The following PPP6R3 variants were observed in gnomAD, a reference collection of about 807,000 sequenced individuals.
The protein encoded by PPP6R3 is protein phosphatase 6 regulatory subunit 3.
PPP6R3 carries 38 observed loss-of-function variants against 110.7 expected under a neutral mutation model. The observed-to-expected ratio is 0.34, with a 90% CI of 0.26 to 0.45. The LOEUF is 0.45. PPP6R3 is among the 20% of genes least tolerant of loss of function. The pLI is 1.00. For synonymous variants in PPP6R3, 369 were observed against 373.5 expected (o/e 0.99, Z 0.14); for missense variants, 870 against 1,062.4 (o/e 0.82, Z 2.52).
chr11:68,576,399 C>G (rs2099531613), intron 14 of PPP6R3, among the ~76,000 whole-genome samples: 1 of 152,130 alleles, frequency 6.6e-6, no homozygotes, highest in Admixed American at 6.5e-5. Context: ...ACCCTGGGTG[C>G]TTAGGAAAGC....
intron 19 of PPP6R3, among the ~76,000 whole-genome samples, chr11:68,597,300 C>T (rs1405943692): frequency 1.3e-5 from 2 of 152,214 alleles, no homozygotes; most frequent in East Asian, 1.9e-4. Context: ...GGGATTTGCC[C>T]GTGCGAGAGA....
Position 68,573,310 on chromosome 11 carries a change from C to G in PPP6R3, c.1344-799C>G, listed in dbSNP as rs956190041. On this transcript the variant is annotated intron_variant, in intron 12 of 23. Transcript: ENST00000393800. ...GGATTTCAAGTGTGCACCACCACGC[C>G]TGGCTAATTTTTGTATTTTTAGTAG... Among the ~76,000 whole-genome samples, 4 of 151,306 alleles carry G rather than the reference C, an allele frequency of 2.6e-5. No individual in the cohort carries two copies. In the East Asian group the frequency reaches 7.8e-4, roughly 29 times the overall value.
rs534964547 is a variant in PPP6R3 at position 68,516,526 on chromosome 11, C to G, written c.-157-2975C>G. On this transcript the variant is annotated intron_variant, in intron 1 of 23. Transcript: ENST00000393800. ...TGCAAAAAAATTGAAATCTGAAATA[C>G]TTCTGGTCTCAAGCATTTTGGACAG... Among the ~76,000 whole-genome samples the G allele has an allele frequency of 5.3e-5, 8 of 152,250 alleles. No homozygotes were observed. The East Asian group carries it at 1.5e-3, about 29-fold the overall frequency.
chr11:68,581,633 A>G (rs950880803), intron 14 of PPP6R3, among the ~76,000 whole-genome samples: 1 of 152,302 alleles, frequency 6.6e-6, no homozygotes, highest in South Asian at 2.1e-4. Context: ...GCTCTTTAAC[A>G]TAGTCCTGTG....
chr11:68,583,099 G>A lies in PPP6R3; in HGVS notation c.1602G>A (p.Thr534=). Residue 534 remains threonine, a synonymous_variant, in exon 15 of 24, where the codon ACG becomes ACA. Coordinates refer to ENST00000393800, the MANE Select transcript of PPP6R3 (RefSeq NM_001164161.2). ...SSDDEIDFKE[T]GFSQDSSLQQ... Reference sequence around the variant, plus strand: ...ATGATGAAATTGACTTTAAAGAAACGGGTTTCTCACAGGATTCTTCTTTGC... The same window carrying A: ...ATGATGAAATTGACTTTAAAGAAACAGGTTTCTCACAGGATTCTTCTTTGC... The A allele has an allele frequency of 6.5e-7, 1 of 1,547,544 alleles. No individual in the cohort carries two copies. Among genetic ancestry groups the A allele is most frequent in the Non-Finnish European group, 8.7e-7 (1 of 1,144,238 alleles).
At chr11:68,489,544 CTGTGTGTTTGTG>C (rs924317240) in intron 1 of PPP6R3, among the ~76,000 whole-genome samples, 115 of 63,344 alleles carry the variant, frequency 1.8e-3, no homozygotes, top group African/African-American at 0.013. Flanking sequence ...TTTGCAGATA[CTGTGTGTTTGTG>C]TGTGTGTGTG....
chr11:68,464,836 C>T (rs187967672), intron 1 of PPP6R3, among the ~76,000 whole-genome samples: 19 of 151,748 alleles, frequency 1.3e-4, no homozygotes, highest in African/African-American at 4.3e-4. Context: ...CTTTTGCCCT[C>T]CTTTTGTCAG....
chr11:68,567,209 T>TA, intron 10 of PPP6R3, 43 bp downstream of exon 10: 1 of 1,489,090 alleles, frequency 6.7e-7, no homozygotes, highest in Non-Finnish European at 9.0e-7. Flanking sequence ...TTGCCATTGA[T>TA]ATTTCATGGA....
chr11:68,575,529 C>T (rs1317313524), intron 13 of PPP6R3, among the ~76,000 whole-genome samples: 4 of 152,196 alleles, frequency 2.6e-5, no homozygotes, highest in African/African-American at 9.7e-5. Flanking sequence ...CTGTCATTTG[C>T]AGCATTTTCT....
At position 68,590,647 on chromosome 11, in the gene PPP6R3, TG is replaced by T; in HGVS notation, c.1731-12del. 6.4e-7 allele frequency: 1 copy of T among 1,572,760 alleles called. No individual in the cohort carries two copies. The highest frequency in any genetic ancestry group is 8.7e-7 in the Non-Finnish European group (1 of 1,152,328). On this transcript the variant is annotated splice_polypyrimidine_tract_variant and intron_variant, in intron 16 of 23. Transcript: ENST00000393800. ...ATTAATGCTTCCTACACTTTTATTT[TG>T]TTTTTTTACAGTGTTTCTTTTGATC...
intron 1 of PPP6R3, among the ~76,000 whole-genome samples, chr11:68,477,741 A>AAAAAAAAAAATATATATAT: frequency 5.2e-4 from 30 of 57,884 alleles, no homozygotes; most frequent in African/African-American, 1.9e-3. Context: ...AAAAAAAAAA[A>AAAAAAAAAAATATATATAT]ATATATATAT....
At chr11:68,477,016 A>G (rs1306379990) in intron 1 of PPP6R3, among the ~76,000 whole-genome samples, 1 of 151,738 alleles carries the variant, frequency 6.6e-6, no homozygotes, top group Non-Finnish European at 1.5e-5. Flanking sequence ...ATGACAGAGT[A>G]AGACCCTGTT....
intron 1 of PPP6R3, among the ~76,000 whole-genome samples, chr11:68,491,330 G>C (rs929765324): frequency 5.3e-5 from 1 of 18,964 alleles, no homozygotes; most frequent in East Asian, 1.0e-3. Flanking sequence ...GTCTTCAGCT[G>C]TGTGTGTGTG....
At chr11:68,535,020 A>G (rs1398885980) in intron 2 of PPP6R3, among the ~76,000 whole-genome samples, 1 of 152,140 alleles carries the variant, frequency 6.6e-6, no homozygotes, top group Non-Finnish European at 1.5e-5. Flanking sequence ...TTTGTTTGCC[A>G]TTTCCCACTC....
At chr11:68,463,253 C>G (rs895524640) in intron 1 of PPP6R3, among the ~76,000 whole-genome samples, 1 of 148,822 alleles carries the variant, frequency 6.7e-6, no homozygotes, top group African/African-American at 2.5e-5. Context: ...ACTGTAATCC[C>G]AGTTATTTGG....
intron 13 of PPP6R3, among the ~76,000 whole-genome samples, chr11:68,574,587 T>A (rs1593399487): frequency 2.0e-5 from 3 of 152,350 alleles, no homozygotes; most frequent in African/African-American, 7.2e-5. Flanking sequence ...AATTTTGCCT[T>A]TTATTTTCTG....
chr11:68,608,516 A>C (rs1941610771), intron 22 of PPP6R3, among the ~76,000 whole-genome samples: 2 of 152,196 alleles, frequency 1.3e-5, no homozygotes, highest in South Asian at 4.1e-4. Context: ...TTGTAGGTAG[A>C]AAAATGGCCT....
chr11:68,568,929 G>A (rs1211135300), intron 10 of PPP6R3, among the ~76,000 whole-genome samples: 2 of 152,056 alleles, frequency 1.3e-5, no homozygotes, highest in South Asian at 2.1e-4. Flanking sequence ...CACACCCAGC[G>A]ATTTTTTTGT....
intron 1 of PPP6R3, among the ~76,000 whole-genome samples, chr11:68,503,089 G>A (rs996530317): frequency 3.3e-5 from 5 of 151,180 alleles, no homozygotes; most frequent in African/African-American, 7.4e-5. Context: ...GACTACAGGC[G>A]CACACCACCA....
Sources: gnomAD v4.1 joint callset for allele counts (sites outside exome capture counted in the v4.1 genomes callset) on GRCh38, gnomAD v4.1.1 for gene constraint, MANE v1.5 for transcripts, NCBI Gene and HGNC (gene_info 2026-07-23, HGNC 2026-07-21) for gene names.